The following SLC26A8 variants were observed in gnomAD, a reference collection of about 807,000 sequenced individuals.
The protein encoded by SLC26A8 is solute carrier family 26 member 8, also known as testis anion transporter 1.
SLC26A8 carries 70 observed loss-of-function variants against 105.0 expected under a neutral mutation model. That is an observed-to-expected ratio of 0.67 (90% CI 0.55 to 0.81). The LOEUF is 0.81. Ranked by LOEUF, SLC26A8 falls within the 40% of genes least tolerant of loss-of-function variation. SLC26A8 has a pLI of 0.00. For synonymous variants in SLC26A8, 415 were observed against 438.3 expected (o/e 0.95, Z 0.66); for missense variants, 998 against 1,181.8 (o/e 0.84, Z 2.28).
chr6:35,968,622 T>TC (rs1772640890), intron 11 of SLC26A8, among the ~76,000 whole-genome samples: 1 of 77,658 alleles, frequency 1.3e-5, no homozygotes, highest in Non-Finnish European at 2.3e-5. Flanking sequence ...TATATATATA[T>TC]ATATATATAT....
chr6:35,951,097 CCTCA>C, intron 19 of SLC26A8, 62 bp downstream of exon 19: 2 of 1,363,036 alleles, frequency 1.5e-6, no homozygotes, highest in Admixed American at 1.8e-5. Context: ...CCCAACCACC[CCTCA>C]CCCATCCCCC....
chr6:36,012,450 C>T (rs754457196), intron 2 of SLC26A8, 78 bp from the exon 3 acceptor site: 16 of 1,476,672 alleles, frequency 1.1e-5, no homozygotes, highest in Non-Finnish European at 1.4e-5. Context: ...GCATTTGGCC[C>T]ACATAGCCAA....
chr6:35,992,818 T>C, intron 5 of SLC26A8, 144 bp from the exon 6 acceptor site: 1 of 794,390 alleles, frequency 1.3e-6, no homozygotes, highest in Non-Finnish European at 1.9e-6. Flanking sequence ...CTTTCCCTAA[T>C]GAACAGAAGT....
intron 4 of SLC26A8, 92 bp downstream of exon 4, chr6:35,999,900 T>A: frequency 1.2e-6 from 1 of 837,372 alleles, no homozygotes; most frequent in Non-Finnish European, 2.0e-6. Context: ...TTTCTTTCTA[T>A]CTTAAAGCTT....
intron 8 of SLC26A8, among the ~76,000 whole-genome samples, chr6:35,979,040 C>T (rs541272537): frequency 1.0e-4 from 12 of 114,974 alleles, no homozygotes; most frequent in South Asian, 2.7e-4. Flanking sequence ...TTTTTAGAAA[C>T]GGAGTCTCAC....
At chr6:35,977,099 G>C in intron 9 of SLC26A8, 105 bp downstream of exon 9, 1 of 1,275,396 alleles carries the variant, frequency 7.8e-7, no homozygotes, top group Middle Eastern at 2.7e-4. Flanking sequence ...CCAAACCATG[G>C]TCCAAGTGGC....
intron 19 of SLC26A8, 27 bp downstream of exon 19, chr6:35,951,136 A>G (rs1474391830): frequency 1.5e-5 from 24 of 1,599,656 alleles, no homozygotes; most frequent in Non-Finnish European, 1.9e-5. Context: ...CCTTCCCCCA[A>G]CCTCATGCTT....
intron 2 of SLC26A8, among the ~76,000 whole-genome samples, chr6:36,016,235 C>T (rs553718223): frequency 6.6e-5 from 10 of 152,166 alleles, no homozygotes; most frequent in Non-Finnish European, 8.8e-5. Context: ...CTCAGTGATC[C>T]GCCCACCTCA....
chr6:36,013,199 CTT>C (rs546063188), intron 2 of SLC26A8, among the ~76,000 whole-genome samples: 22 of 142,786 alleles, frequency 1.5e-4, no homozygotes, highest in Admixed American at 2.1e-4. Flanking sequence ...TGTCCAGAGA[CTT>C]TTTTTTTTTT....
chr6:35,950,693 G>T (rs1212434392), intron 19 of SLC26A8, among the ~76,000 whole-genome samples: 1 of 152,204 alleles, frequency 6.6e-6, no homozygotes, highest in African/African-American at 2.4e-5. Context: ...AGGTAATAAA[G>T]CTGAGGTATT....
intron 10 of SLC26A8, among the ~76,000 whole-genome samples, chr6:35,971,322 T>C (rs1772789474): frequency 6.6e-6 from 1 of 152,154 alleles, no homozygotes; most frequent in Admixed American, 6.5e-5. Flanking sequence ...TGCTTTGTTT[T>C]TCTGACCAGA....
intron 7 of SLC26A8, among the ~76,000 whole-genome samples, chr6:35,986,350 T>G (rs1773525054): frequency 1.3e-5 from 2 of 152,154 alleles, no homozygotes; most frequent in African/African-American, 4.8e-5. Context: ...TTTGGTGTGG[T>G]GAAAACACTT....
Position 35,997,806 on chromosome 6 carries a change from A to T in SLC26A8, c.559T>A (p.Tyr187Asn). Residue 187 changes from tyrosine (Y) to asparagine (N), a missense_variant, in exon 5 of 20, where the codon TAC (tyrosine) becomes AAC (asparagine). Transcript: ENST00000490799. ...AAGGATTTATTATAGCCCATAAGGT[A>T]GGAGGGGGCCGAAAACTCATTCTTG... ...FVKNEFSAPS[Y>N]LMGYNKSLSV... The T allele has an allele frequency of 1.9e-6, 3 of 1,614,156 alleles. No homozygotes were observed. In the South Asian group the frequency reaches 3.3e-5, roughly 18 times the overall value.
chr6:36,016,871 T>C (rs1018873465), intron 2 of SLC26A8, among the ~76,000 whole-genome samples: 1 of 152,080 alleles, frequency 6.6e-6, no homozygotes, highest in African/African-American at 2.4e-5. Context: ...GAAACATAGA[T>C]GAAAATATGC....
chr6:35,984,289 T>C (rs1245991461), intron 7 of SLC26A8, among the ~76,000 whole-genome samples: 1 of 151,164 alleles, frequency 6.6e-6, no homozygotes, highest in Admixed American at 6.7e-5. Flanking sequence ...AAGGAATATA[T>C]TCTTCTTTTC....
chr6:36,012,391 G>C lies in SLC26A8; in HGVS notation c.189-19C>G, dbSNP rs778048906. The C allele has an allele frequency of 3.9e-6, 6 of 1,557,412 alleles. No individual in the cohort carries two copies. In the African/African-American group the frequency reaches 8.4e-5, roughly 22 times the overall value. On this transcript the variant is annotated intron_variant, in intron 2 of 19. Coordinates refer to ENST00000490799, the MANE Select transcript of SLC26A8 (RefSeq NM_052961.4). Reference sequence around the variant, plus strand: ...TGAGCAGCTGTGAGAGAGAGGAGCAGAGACTTGGTTAGTTTCTCCAAAGAA... The same window carrying C: ...TGAGCAGCTGTGAGAGAGAGGAGCACAGACTTGGTTAGTTTCTCCAAAGAA...
chr6:35,949,981 T>G (rs1178867936), intron 19 of SLC26A8, among the ~76,000 whole-genome samples: 1 of 151,908 alleles, frequency 6.6e-6, no homozygotes, highest in Non-Finnish European at 1.5e-5. Flanking sequence ...AATTTTTTTG[T>G]ATTTTTAGTA....
chr6:35,963,745 C>T (rs1772401251), intron 11 of SLC26A8, among the ~76,000 whole-genome samples: 1 of 152,150 alleles, frequency 6.6e-6, no homozygotes, highest in Admixed American at 6.6e-5. Context: ...ATATCTGTTA[C>T]CTACCTTATC....
chr6:35,967,234 C>T (rs1164576530), intron 11 of SLC26A8, among the ~76,000 whole-genome samples: 2 of 152,186 alleles, frequency 1.3e-5, no homozygotes, highest in African/African-American at 4.8e-5. Flanking sequence ...GCTCTACTGA[C>T]ACCTGCTATT....
Sources: gnomAD v4.1 joint callset for allele counts (sites outside exome capture counted in the v4.1 genomes callset) on GRCh38, gnomAD v4.1.1 for gene constraint, MANE v1.5 for transcripts, NCBI Gene and HGNC (gene_info 2026-07-23, HGNC 2026-07-21) for gene names.